Variants in ACACA observed in about 807,000 individuals in gnomAD.
The protein encoded by ACACA is acetyl-CoA carboxylase alpha, also known as acetyl-CoA carboxylase 1.
ACACA carries 103 observed loss-of-function variants against 296.1 expected under a neutral mutation model. The observed-to-expected ratio is 0.35, with a 90% CI of 0.30 to 0.41. The LOEUF (loss-of-function observed/expected upper bound fraction) is 0.41. ACACA is among the 10% of genes least tolerant of loss of function. The pLI, the probability that ACACA is intolerant of heterozygous loss-of-function variation, is 1.00. For synonymous variants in ACACA, 953 were observed against 1,038.6 expected, an observed-to-expected ratio of 0.92 and a Z score of 1.58; for missense variants, 1,554 against 2,989.7, an observed-to-expected ratio of 0.52 and a Z score of 11.20.
intron 1 of ACACA, among the ~76,000 whole-genome samples, chr17:37,376,709 C>T (rs930306082): frequency 6.6e-6 from 1 of 152,154 alleles, no homozygotes; most frequent in African/African-American, 2.4e-5. Flanking sequence ...AATCCCAGCA[C>T]TTTGGGAGGC....
At chr17:37,164,068 T>C (rs2076570231) in intron 41 of ACACA, among the ~76,000 whole-genome samples, 1 of 145,524 alleles carries the variant, frequency 6.9e-6, no homozygotes, top group Non-Finnish European at 1.5e-5. Flanking sequence ...TTTCTTTCTG[T>C]CTCTCACCCC....
At chr17:37,248,722 T>C (rs749641675) in intron 16 of ACACA, 48 bp from the exon 17 acceptor site, 1 of 1,311,312 alleles carries the variant, frequency 7.6e-7, no homozygotes, top group East Asian at 2.4e-5. Context: ...CTAACAGTTA[T>C]AAGAGAATCT....
intron 33 of ACACA, among the ~76,000 whole-genome samples, chr17:37,204,319 T>C (rs1232711211): frequency 6.6e-6 from 1 of 152,196 alleles, no homozygotes; most frequent in Non-Finnish European, 1.5e-5. Context: ...TAAGAATGTA[T>C]TATTTACTAA....
intron 1 of ACACA, among the ~76,000 whole-genome samples, chr17:37,351,009 G>A (rs527964458): frequency 1.6e-3 from 242 of 151,950 alleles, no homozygotes; most frequent in Non-Finnish European, 2.4e-3. Context: ...GGAGCGTGGC[G>A]CATGCCCATA....
chr17:37,291,919 A>G (rs2083087689), intron 3 of ACACA, among the ~76,000 whole-genome samples: 1 of 150,542 alleles, frequency 6.6e-6, no homozygotes, highest in South Asian at 2.1e-4. Context: ...TTTTAGGAGA[A>G]TTTTTTTTTT....
intron 29 of ACACA, among the ~76,000 whole-genome samples, chr17:37,215,408 T>A (rs778560270): frequency 5.9e-5 from 9 of 152,214 alleles, no homozygotes; most frequent in Admixed American, 1.3e-4. Flanking sequence ...AGATTACTCA[T>A]GTTCACTAGC....
At chr17:37,280,066 G>A (rs537835199) in intron 5 of ACACA, among the ~76,000 whole-genome samples, 8 of 152,004 alleles carry the variant, frequency 5.3e-5, no homozygotes, top group Non-Finnish European at 1.0e-4. Context: ...GGGTCAAAAG[G>A]TATTCACATT....
intron 3 of ACACA, among the ~76,000 whole-genome samples, chr17:37,326,950 C>T (rs553306290): frequency 2.5e-4 from 38 of 152,288 alleles, no homozygotes; most frequent in African/African-American, 8.7e-4. Flanking sequence ...TTGGGCTCAT[C>T]CATCATACCA....
intron 35 of ACACA, among the ~76,000 whole-genome samples, chr17:37,194,003 G>C (rs2077878250): frequency 6.6e-6 from 1 of 152,180 alleles, no homozygotes; most frequent in Non-Finnish European, 1.5e-5. Flanking sequence ...TAGTGAACTT[G>C]TAATCATTAG....
intron 45 of ACACA, among the ~76,000 whole-genome samples, chr17:37,148,376 T>C (rs1284162710): frequency 6.6e-6 from 1 of 152,222 alleles, no homozygotes; most frequent in Non-Finnish European, 1.5e-5. Flanking sequence ...CTGTTAGCAC[T>C]GCTGTGCCTT....
intron 47 of ACACA, among the ~76,000 whole-genome samples, chr17:37,126,684 A>C (rs971501139): frequency 3.3e-5 from 5 of 152,022 alleles, no homozygotes; most frequent in African/African-American, 1.2e-4. Flanking sequence ...TGGAGATCTG[A>C]GCAAGCTAAC....
chr17:37,226,781 T>G (rs1161709690), intron 25 of ACACA, among the ~76,000 whole-genome samples: 1 of 152,144 alleles, frequency 6.6e-6, no homozygotes, highest in Non-Finnish European at 1.5e-5. Flanking sequence ...TAGATATGTC[T>G]CAAAGTTTTA....
intron 2 of ACACA, among the ~76,000 whole-genome samples, chr17:37,331,443 C>A (rs1247170671): frequency 1.3e-5 from 2 of 151,258 alleles, no homozygotes; most frequent in Non-Finnish European, 2.9e-5. Context: ...GAGTCTCACT[C>A]TGTCGCCCAG....
intron 54 of ACACA, among the ~76,000 whole-genome samples, chr17:37,090,280 C>T (rs1480458288): frequency 6.6e-6 from 1 of 152,210 alleles, no homozygotes; most frequent in African/African-American, 2.4e-5. Context: ...CAGACTGTCA[C>T]TTCCTGTCTC....
intron 1 of ACACA, among the ~76,000 whole-genome samples, chr17:37,390,299 C>T (rs1305465590): frequency 2.0e-3 from 37 of 18,064 alleles, no homozygotes; most frequent in South Asian, 7.0e-3. Context: ...ATATATTATA[C>T]ATAATTATAT....
At chr17:37,276,950 C>G in intron 7 of ACACA, 83 bp downstream of exon 7, 1 of 1,202,508 alleles carries the variant, frequency 8.3e-7, no homozygotes, top group Non-Finnish European at 1.2e-6. Context: ...ACATGTTAAA[C>G]AGAAAATCAG....
chr17:37,241,586 T>A (rs1429119058), intron 23 of ACACA, among the ~76,000 whole-genome samples: 2 of 151,948 alleles, frequency 1.3e-5, no homozygotes, highest in South Asian at 2.1e-4. Flanking sequence ...ACAGCTATAG[T>A]CCCAGCTATT....
chr17:37,352,861 G>A (rs1337814216), intron 1 of ACACA, among the ~76,000 whole-genome samples: 1 of 152,154 alleles, frequency 6.6e-6, no homozygotes, highest in African/African-American at 2.4e-5. Context: ...ACATTTACAG[G>A]TTAAAGCAAA....
intron 41 of ACACA, among the ~76,000 whole-genome samples, chr17:37,174,625 C>T (rs985742223): frequency 2.0e-5 from 3 of 151,980 alleles, no homozygotes; most frequent in Non-Finnish European, 4.4e-5. Context: ...CTCTGCCTCC[C>T]GGGTTCAAGC....
Sources: gnomAD v4.1 joint callset for allele counts (sites outside exome capture counted in the v4.1 genomes callset) on GRCh38, gnomAD v4.1.1 for gene constraint, MANE v1.5 for transcripts, NCBI Gene and HGNC (gene_info 2026-07-23, HGNC 2026-07-21) for gene names.